The following DLL4 variants were observed in gnomAD, a reference collection of about 807,000 sequenced individuals.
DLL4 encodes delta like canonical Notch ligand 4, also known as delta-like protein 4.
A neutral mutation model predicts 73.6 loss-of-function variants in DLL4; 7 were observed. The ratio of observed to expected loss-of-function variants is 0.10; its 90% confidence interval spans 0.05 to 0.18. DLL4 has a LOEUF of 0.18. DLL4 is among the 10% of genes least tolerant of loss of function. The pLI, the probability that DLL4 is intolerant of heterozygous loss-of-function variation, is 1.00. For synonymous variants in DLL4, 345 were observed against 374.3 expected, an observed-to-expected ratio of 0.92 and a Z score of 0.90; for missense variants, 614 against 929.9, an observed-to-expected ratio of 0.66 and a Z score of 4.42.
rs1342963390 is a variant in DLL4 at position 40,937,579 on chromosome 15, T to C, written c.2052+53T>C. The C allele has an allele frequency of 4.5e-6, 6 of 1,324,956 alleles. No individual in the cohort carries two copies. In the Admixed American group the frequency reaches 8.4e-5, roughly 19 times the overall value. The allele number at this position is 1,324,956 out of a possible 1,614,324, so 82.1% of individuals were successfully genotyped here. ...GCCTTTTGTGGGAGGGAAAGTGGCC[T>C]GGTCACTCTTGACCCATGGGCCATT... is the stretch of plus-strand genomic sequence containing the variant. On this transcript the variant is annotated intron_variant, in intron 10 of 10. Transcript: ENST00000249749.
chr15:40,936,242 A>T lies in DLL4; in HGVS notation c.1255A>T (p.Asn419Tyr). The change falls in exon 9 of 11, where the codon AAC becomes TAC. Residue 419 changes from asparagine (N) to tyrosine (Y), a missense_variant. This residue lies in a region of DLL4 where 386 missense variants were observed against 541.3 expected (regional missense o/e 0.71). Coordinates refer to ENST00000249749, the MANE Select transcript of DLL4 (RefSeq NM_019074.4). ...CGTCCTCACAGGGGGACAGTGCCTG[A>T]ACCGAGGTCCAAGCCGCATGTGCCG... ...NPCANGGQCL[N>Y]RGPSRMCRCR... 6.3e-7 allele frequency: 1 copy of T among 1,596,416 alleles called. No individual in the cohort carries two copies. Among genetic ancestry groups the T allele is most frequent in the Non-Finnish European group, 8.5e-7 (1 of 1,173,304 alleles).
rs1371738102 is a variant in DLL4 at position 40,936,487 on chromosome 15, C to T, written c.1500C>T (p.Ser500=). 1 of 1,611,694 alleles carries T rather than the reference C, an allele frequency of 6.2e-7. No homozygotes were observed. Residue 500 remains serine (S), a synonymous_variant, in exon 9 of 11, where the codon TCC becomes TCT. Coordinates refer to ENST00000249749, the MANE Select transcript of DLL4 (RefSeq NM_019074.4). ...FNRATCYTDL[S]TDTFVCNCPY... ...GGGCCACCTGCTACACCGACCTCTCCACAGACACCTTTGTGTGCAACTGCC... is the reference window on the plus strand; with the variant it reads ...GGGCCACCTGCTACACCGACCTCTCTACAGACACCTTTGTGTGCAACTGCC...
At chr15:40,937,036 T>A (rs1892856364) in intron 9 of DLL4, 106 bp downstream of exon 9, 1 of 946,816 alleles carries the variant, frequency 1.1e-6, no homozygotes. Flanking sequence ...GAGGTTTTGT[T>A]ACTGACAGGA....
In DLL4 at chr15:40,932,455, A is replaced by C; in HGVS notation, c.850+8A>C. ...GCCTGTTTTGTGACCAAGGTGAGTC[A>C]GGGTGAAGAGAGGGTGCAGAGGGTG... On this transcript the variant is annotated splice_region_variant and intron_variant, in intron 6 of 10. Coordinates refer to ENST00000249749, the MANE Select transcript of DLL4 (RefSeq NM_019074.4). 2 of 1,613,834 alleles carry C rather than the reference A, an allele frequency of 1.2e-6. No homozygotes were observed. The highest frequency in any genetic ancestry group is 1.7e-6 in the Non-Finnish European group (2 of 1,179,854).
intron 6 of DLL4, among the ~76,000 whole-genome samples, chr15:40,934,096 C>T (rs1446837074): frequency 6.7e-6 from 1 of 149,006 alleles, no homozygotes; most frequent in Non-Finnish European, 1.5e-5. Flanking sequence ...CTTTGGGAGG[C>T]CGAGGTAGGT....
Position 40,938,046 on chromosome 15 carries a change from AC to A in DLL4, c.*14del. ...GCTCCCAGGTATAAGGCAGGAGCCT[AC>A]CTGGACATCCCTGCTCAGCCCCGCG... On this transcript the variant is annotated 3_prime_UTR_variant, in exon 11 of 11. Coordinates refer to ENST00000249749, the MANE Select transcript of DLL4 (RefSeq NM_019074.4). 1 of 1,574,742 alleles carries A rather than the reference AC, an allele frequency of 6.4e-7. No homozygotes were observed. The highest frequency in any genetic ancestry group is 8.6e-7 in the Non-Finnish European group (1 of 1,162,676).
At chr15:40,935,504 C>T (rs546155526) in intron 8 of DLL4, among the ~76,000 whole-genome samples, 31 of 152,320 alleles carry the variant, frequency 2.0e-4, no homozygotes, top group Non-Finnish European at 2.9e-4. Context: ...CATCTTGCCC[C>T]GTGCCCAGGT....
intron 6 of DLL4, 98 bp from the exon 7 acceptor site, chr15:40,934,450 T>C (rs1009306973): frequency 1.6e-6 from 2 of 1,282,302 alleles, no homozygotes; most frequent in African/African-American, 3.0e-5. Context: ...AGTTGAGGTG[T>C]CTTTGAGCCA....
Position 40,931,536 on chromosome 15 carries a change from T to C in DLL4, c.428T>C (p.Ile143Thr), listed in dbSNP as rs1253020537. ...ALPPDALISK[I>T]AIQGSLAVGQ... ...CCACCAGATGCACTCATCAGCAAGA[T>C]CGCCATCCAGGGCTCCCTAGCTGTG... Residue 143 changes from isoleucine to threonine, a missense_variant, in exon 4 of 11, where the codon ATC becomes ACC. Physicochemically the swap from Ile to Thr is moderately conservative, Grantham distance 89. Around this residue, in one of 3 missense-constraint regions of DLL4, gnomAD observed 227 missense variants for 370.8 expected, o/e 0.61. Coordinates refer to ENST00000249749, the MANE Select transcript of DLL4 (RefSeq NM_019074.4). 1.9e-6 allele frequency: 3 copies of C among 1,609,926 alleles called. No homozygotes were observed. The highest frequency in any genetic ancestry group is 2.5e-6 in the Non-Finnish European group (3 of 1,178,214).
Position 40,934,728 on chromosome 15 carries a change from G to C in DLL4, c.1020+11G>C. The C allele has an allele frequency of 6.2e-7, 1 of 1,611,966 alleles. No individual in the cohort carries two copies. Among genetic ancestry groups the C allele is most frequent in the Non-Finnish European group, 8.5e-7 (1 of 1,178,498 alleles). ...GGAGGCAGCTGTAAGGTGAGGCCCA[G>C]ACCAGCGCAGGAAGACAGAGGTGTC... On this transcript the variant is annotated intron_variant, in intron 7 of 10. Coordinates refer to ENST00000249749, the MANE Select transcript of DLL4 (RefSeq NM_019074.4).
rs377214922 is a variant in DLL4 at position 40,935,023 on chromosome 15, G to A, written c.1146G>A (p.Gln382=). ...GGGGCTCCTGCCGGGAGCGCAACCAGGGGGCCAACTATGCTTGTGAATGTC... is the reference window on the plus strand; with the variant it reads ...GGGGCTCCTGCCGGGAGCGCAACCAAGGGGCCAACTATGCTTGTGAATGTC... The part of the protein sequence containing the change: ...FNGGSCRERN[Q]GANYACECPP... The change falls in exon 8 of 11, where the codon CAG becomes CAA. Residue 382 remains glutamine, a synonymous_variant. Transcript: ENST00000249749. The A allele has an allele frequency of 2.2e-5, 36 of 1,613,422 alleles. No homozygotes were observed. The highest frequency in any genetic ancestry group is 3.1e-5 in the Non-Finnish European group (36 of 1,179,908).
chr15:40,930,355 A>G lies in DLL4; in HGVS notation c.336+239A>G. 4.7e-6 allele frequency: 3 copies of G among 642,440 alleles called. No homozygotes were observed. Among genetic ancestry groups the G allele is most frequent in the South Asian group, 2.0e-5 (1 of 50,906 alleles). 39.8% of individuals were successfully genotyped at this position (642,440 alleles called of 1,614,324 possible). On this transcript the variant is annotated intron_variant, in intron 2 of 10. Coordinates refer to ENST00000249749, the MANE Select transcript of DLL4 (RefSeq NM_019074.4). This position sits in a 1 kb window ranked among gnomAD's most constrained non-coding sequence, Gnocchi z 5.7. The stretch of plus-strand genomic sequence containing the variant: ...CCCCAGCTCTTGGGACACGATTTTC[A>G]TTACCTACCACTCTGGGGCGGTACC...
In DLL4 at chr15:40,931,505, G is replaced by T. The variant is rs1281669075; in HGVS notation, c.397G>T (p.Ala133Ser). ...HAPGDDLRPE[A>S]LPPDALISKI... is the part of the protein sequence containing the mutation. ...GACCCGACCCTCTGCCCCCTCAGAG[G>T]CCTTGCCACCAGATGCACTCATCAG... Residue 133 changes from alanine (A) to serine (S), a missense_variant and splice_region_variant, in exon 4 of 11, where the codon GCC becomes TCC. By Grantham distance (99) the Ala-to-Ser change is moderately conservative. This residue lies in a region of DLL4 where 227 missense variants were observed against 370.8 expected (regional missense o/e 0.61). Transcript: ENST00000249749. 2 of 1,607,496 alleles carry T rather than the reference G, an allele frequency of 1.2e-6. No individual in the cohort carries two copies. Among genetic ancestry groups the T allele is most frequent in the East Asian group, 2.2e-5 (1 of 44,558 alleles).
chr15:40,937,607 T>C, intron 10 of DLL4, 81 bp downstream of exon 10: 1 of 1,057,184 alleles, frequency 9.5e-7, no homozygotes. Flanking sequence ...GGGCCATTCC[T>C]GAAGGGTAGG....
rs1181896466 is a variant in DLL4, at chr15:40,929,897, C to T, written c.117C>T (p.Asn39=). The change falls in exon 2 of 11, where the codon AAC becomes AAT. Residue 39 remains asparagine, a synonymous_variant. Coordinates refer to ENST00000249749, the MANE Select transcript of DLL4 (RefSeq NM_019074.4). This position sits in a 1 kb window ranked among gnomAD's most constrained non-coding sequence, Gnocchi z 7.1. Reference sequence around the variant, plus strand: ...AGCTGCAGCTGCAGGAGTTCATCAACGAGCGCGGCGTACTGGCCAGTGGGC... The same window carrying T: ...AGCTGCAGCTGCAGGAGTTCATCAATGAGCGCGGCGTACTGGCCAGTGGGC... ...VFQLQLQEFI[N]ERGVLASGRP... 1 of 1,612,936 alleles carries T rather than the reference C, an allele frequency of 6.2e-7. No homozygotes were observed. Among genetic ancestry groups the T allele is most frequent in the Non-Finnish European group, 8.5e-7 (1 of 1,179,778 alleles).
intron 6 of DLL4, among the ~76,000 whole-genome samples, chr15:40,932,738 C>G (rs1892787209): frequency 6.6e-6 from 1 of 152,098 alleles, no homozygotes. Context: ...CTAGCAAAGC[C>G]AAAGAGAGAG....
rs1318124290 is a variant in DLL4 at position 40,937,412 on chromosome 15, C to G, written c.1944-6C>G. 2 of 1,603,790 alleles carry G rather than the reference C, an allele frequency of 1.2e-6. 1 individual carries two copies. Among genetic ancestry groups the G allele is most frequent in the South Asian group, 2.2e-5 (2 of 90,868 alleles). ...TCCCTTACACGCCTGTCTTGTGTTCCCTCAGTGAAAAGCCAGAGTGTCGGA... is the reference window on the plus strand; with the variant it reads ...TCCCTTACACGCCTGTCTTGTGTTCGCTCAGTGAAAAGCCAGAGTGTCGGA... On this transcript the variant is annotated splice_region_variant and splice_polypyrimidine_tract_variant and intron_variant, in intron 9 of 10. Coordinates refer to ENST00000249749, the MANE Select transcript of DLL4 (RefSeq NM_019074.4).
At chr15:40,933,180 A>T (rs1892793541) in intron 6 of DLL4, among the ~76,000 whole-genome samples, 1 of 152,112 alleles carries the variant, frequency 6.6e-6, no homozygotes, top group African/African-American at 2.4e-5. Flanking sequence ...AGGCCTGGGT[A>T]GGGTGGGCAG....
In DLL4 at chr15:40,937,414, T is replaced by C; in HGVS notation, c.1944-4T>C. ...CCTTACACGCCTGTCTTGTGTTCCC[T>C]CAGTGAAAAGCCAGAGTGTCGGATA... On this transcript the variant is annotated splice_region_variant and splice_polypyrimidine_tract_variant and intron_variant, in intron 9 of 10. Coordinates refer to ENST00000249749, the MANE Select transcript of DLL4 (RefSeq NM_019074.4). 1 of 1,605,174 alleles carries C rather than the reference T, an allele frequency of 6.2e-7. No homozygotes were observed. The highest frequency in any genetic ancestry group is 8.5e-7 in the Non-Finnish European group (1 of 1,172,060).
Sources: gnomAD v4.1 joint callset for allele counts (sites outside exome capture counted in the v4.1 genomes callset) on GRCh38, gnomAD v4.1.1 for gene constraint, gnomAD v4.1.1 regional missense constraint, Gnocchi (gnomAD v3.1) non-coding constraint, MANE v1.5 for transcripts, NCBI Gene and HGNC (gene_info 2026-07-23, HGNC 2026-07-21) for gene names.